PTPRD: variants seen among roughly 807,000 people sequenced by gnomAD.
PTPRD encodes the protein receptor-type tyrosine-protein phosphatase delta.
In PTPRD, 34 loss-of-function variants were observed where a neutral mutation model predicts 214.5. That is an observed-to-expected ratio of 0.16 (90% CI 0.12 to 0.21). The LOEUF (loss-of-function observed/expected upper bound fraction) is 0.21. PTPRD is among the 10% of genes least tolerant of loss of function. PTPRD has a pLI of 1.00. For synonymous variants in PTPRD, 1,128 were observed against 845.7 expected, an observed-to-expected ratio of 1.33 and a Z score of -5.79; for missense variants, 2,545 against 2,398.7, an observed-to-expected ratio of 1.06 and a Z score of -1.27.
At chr9:9,905,819 C>G (rs151280978) in intron 5 of PTPRD, among the ~76,000 whole-genome samples, 12 of 151,886 alleles carry the variant, frequency 7.9e-5, no homozygotes, top group Non-Finnish European at 1.6e-4. Flanking sequence ...CAAACAAGGA[C>G]AAAAGAGAGA....
chr9:9,908,610 A>C (rs2078286372), intron 5 of PTPRD, among the ~76,000 whole-genome samples: 1 of 152,054 alleles, frequency 6.6e-6, no homozygotes, highest in Admixed American at 6.6e-5. Flanking sequence ...AATGGGTTTT[A>C]AAGATTTAGT....
intron 5 of PTPRD, among the ~76,000 whole-genome samples, chr9:9,830,872 AT>A (rs200441334): frequency 2.9e-4 from 44 of 151,096 alleles, no homozygotes; most frequent in African/African-American, 7.5e-4. Context: ...CTACTTAATT[AT>A]TTTTTTTTAC....
chr9:8,853,754 A>C (rs1201612120), intron 11 of PTPRD, among the ~76,000 whole-genome samples: 4 of 152,192 alleles, frequency 2.6e-5, no homozygotes, highest in Non-Finnish European at 5.9e-5. Flanking sequence ...TTTCTTGGCA[A>C]ATCACTGATA....
At chr9:9,691,113 A>G (rs1330143264) in intron 7 of PTPRD, among the ~76,000 whole-genome samples, 1 of 151,958 alleles carries the variant, frequency 6.6e-6, no homozygotes, top group African/African-American at 2.4e-5. Flanking sequence ...AAAAATGGGT[A>G]TAAATCCATT....
At chr9:8,535,789 G>C (rs2076787352) in intron 14 of PTPRD, among the ~76,000 whole-genome samples, 1 of 151,868 alleles carries the variant, frequency 6.6e-6, no homozygotes, top group African/African-American at 2.4e-5. Flanking sequence ...TATAAATCAA[G>C]AAACACCTCT....
chr9:10,272,052 C>G (rs1038638791), intron 3 of PTPRD, among the ~76,000 whole-genome samples: 3 of 152,002 alleles, frequency 2.0e-5, no homozygotes, highest in Admixed American at 1.3e-4. Flanking sequence ...ATTTTCATCC[C>G]TTAGAAAGAA....
chr9:10,088,146 C>G (rs937540005), intron 3 of PTPRD, among the ~76,000 whole-genome samples: 5 of 151,726 alleles, frequency 3.3e-5, no homozygotes, highest in Non-Finnish European at 4.4e-5. Flanking sequence ...AGCAAACTTG[C>G]TGTTAGAGAC....
intron 7 of PTPRD, among the ~76,000 whole-genome samples, chr9:9,687,907 A>C (rs143637929): frequency 6.6e-6 from 1 of 151,822 alleles, no homozygotes; most frequent in Admixed American, 6.6e-5. Flanking sequence ...TAATCCCAAT[A>C]AGTTAAGGGA....
At chr9:8,674,389 C>T (rs1385337401) in intron 12 of PTPRD, among the ~76,000 whole-genome samples, 2 of 126,590 alleles carry the variant, frequency 1.6e-5, no homozygotes, top group East Asian at 2.6e-4. Context: ...ACCCAGGAGG[C>T]GGAGGTTGCA....
chr9:8,794,409 C>G (rs754288412), intron 11 of PTPRD, among the ~76,000 whole-genome samples: 7 of 151,846 alleles, frequency 4.6e-5, no homozygotes, highest in Non-Finnish European at 7.4e-5. Context: ...CATCTTTTAT[C>G]TATATCACAC....
At chr9:9,730,163 T>C (rs1217864746) in intron 7 of PTPRD, among the ~76,000 whole-genome samples, 1 of 152,156 alleles carries the variant, frequency 6.6e-6, no homozygotes, top group Non-Finnish European at 1.5e-5. Flanking sequence ...TAGCATTCAA[T>C]TCTTGGAAAA....
At chr9:8,878,907 A>G (rs993292915) in intron 11 of PTPRD, among the ~76,000 whole-genome samples, 1 of 152,262 alleles carries the variant, frequency 6.6e-6, no homozygotes, top group East Asian at 1.9e-4. Flanking sequence ...CCATAGCTAT[A>G]CCCTGGTGAC....
chr9:8,863,544 A>G (rs2098142637), intron 11 of PTPRD, among the ~76,000 whole-genome samples: 1 of 152,252 alleles, frequency 6.6e-6, no homozygotes, highest in Non-Finnish European at 1.5e-5. Context: ...TGATTTGTCA[A>G]GAAGGCCCAT....
chr9:10,061,890 C>T (rs1006661585), intron 3 of PTPRD, among the ~76,000 whole-genome samples: 7 of 151,890 alleles, frequency 4.6e-5, no homozygotes, highest in East Asian at 3.9e-4. Flanking sequence ...TATTATCACC[C>T]GGAACTCGCT....
At chr9:8,934,427 ATATATATAAATATATATATAAATT>A (rs1403332278) in intron 11 of PTPRD, among the ~76,000 whole-genome samples, 11 of 63,460 alleles carry the variant, frequency 1.7e-4, no homozygotes, top group African/African-American at 2.8e-4. Flanking sequence ...GTGTGTATAT[ATATATATAAATATATATATAAATT>A]TATATATATA....
chr9:9,648,637 C>T (rs1169648208), intron 7 of PTPRD, among the ~76,000 whole-genome samples: 5 of 152,146 alleles, frequency 3.3e-5, no homozygotes, highest in Non-Finnish European at 7.4e-5. Context: ...TGAGAGACTA[C>T]ACTAAGGAGT....
At chr9:9,998,945 T>G (rs919969391) in intron 4 of PTPRD, among the ~76,000 whole-genome samples, 4 of 152,142 alleles carry the variant, frequency 2.6e-5, no homozygotes, top group African/African-American at 7.2e-5. Flanking sequence ...TCCTCAGTTT[T>G]TTTTCCTTCT....
intron 6 of PTPRD, among the ~76,000 whole-genome samples, chr9:9,764,695 C>T (rs1388298383): frequency 1.3e-5 from 2 of 152,080 alleles, no homozygotes; most frequent in African/African-American, 4.8e-5. Flanking sequence ...TCCACAACCC[C>T]TGTGATTATT....
At chr9:8,693,238 T>G (rs1290668282) in intron 12 of PTPRD, among the ~76,000 whole-genome samples, 3 of 152,202 alleles carry the variant, frequency 2.0e-5, no homozygotes, top group African/African-American at 7.2e-5. Context: ...AAATCCTGTC[T>G]ACTTCCTGAA....
Sources: gnomAD v4.1 joint callset for allele counts (sites outside exome capture counted in the v4.1 genomes callset) on GRCh38, gnomAD v4.1.1 for gene constraint, MANE v1.5 for transcripts, NCBI Gene and HGNC (gene_info 2026-07-23, HGNC 2026-07-21) for gene names.